The following STPG2 variants were observed in gnomAD, a reference collection of about 807,000 sequenced individuals.
STPG2 encodes the protein sperm tail PG-rich repeat containing 2.
STPG2 carries 56 observed loss-of-function variants against 54.2 expected under a neutral mutation model. That is an observed-to-expected ratio of 1.03 (90% CI 0.83 to 1.29). The LOEUF (loss-of-function observed/expected upper bound fraction) is 1.29. STPG2 is among the 50% of genes most tolerant of loss of function. STPG2 has a pLI of 0.00. For missense variants in STPG2, 596 were observed against 544.9 expected (o/e 1.09, Z -0.93); for synonymous variants, 200 against 181.8 (o/e 1.10, Z -0.81).
At chr4:97,896,778 TAAAGAA>T (rs1730970539) in intron 8 of STPG2, among the ~76,000 whole-genome samples, 1 of 151,774 alleles carries the variant, frequency 6.6e-6, no homozygotes, top group Non-Finnish European at 1.5e-5. Flanking sequence ...ATAGTCTTAT[TAAAGAA>T]AAACTACAAA....
intron 8 of STPG2, among the ~76,000 whole-genome samples, chr4:97,873,737 A>G (rs1730073716): frequency 6.6e-6 from 1 of 151,398 alleles, no homozygotes; most frequent in South Asian, 2.1e-4. Context: ...AAATCATTCT[A>G]CTCCAGTGCC....
chr4:97,462,605 G>A (rs1402617207), intron 4 of STPG2, among the ~76,000 whole-genome samples: 1 of 151,754 alleles, frequency 6.6e-6, no homozygotes, highest in Non-Finnish European at 1.5e-5. Context: ...TTGTCAGTTT[G>A]GAGGTCTTGT....
At chr4:97,614,194 C>T (rs1000920944) in intron 10 of STPG2, among the ~76,000 whole-genome samples, 2 of 151,982 alleles carry the variant, frequency 1.3e-5, no homozygotes, top group Admixed American at 6.6e-5. Flanking sequence ...TAATACCAGC[C>T]ATTTAGGCCA....
At chr4:97,946,418 TTTTG>T (rs1733225120) in intron 7 of STPG2, among the ~76,000 whole-genome samples, 1 of 152,150 alleles carries the variant, frequency 6.6e-6, no homozygotes, top group South Asian at 2.1e-4. Context: ...ATTTGTTTAT[TTTTG>T]TTTTAGTTCC....
intron 4 of STPG2, among the ~76,000 whole-genome samples, chr4:97,445,119 T>A (rs1729188300): frequency 6.6e-6 from 1 of 152,110 alleles, no homozygotes; most frequent in Non-Finnish European, 1.5e-5. Context: ...ATAAAAATAA[T>A]AAGTTGAGGC....
intron 5 of STPG2, among the ~76,000 whole-genome samples, chr4:98,012,566 T>C (rs1735792980): frequency 2.0e-5 from 3 of 152,250 alleles, no homozygotes; most frequent in Admixed American, 2.0e-4. Context: ...ATGATATTGA[T>C]TCTTCCTATC....
chr4:97,788,831 G>A (rs980228823), intron 9 of STPG2, among the ~76,000 whole-genome samples: 1 of 151,902 alleles, frequency 6.6e-6, no homozygotes, highest in South Asian at 2.1e-4. Context: ...AATATTTATT[G>A]TTATACAGAA....
chr4:97,447,055 A>G (rs1457664990), intron 4 of STPG2, among the ~76,000 whole-genome samples: 1 of 152,218 alleles, frequency 6.6e-6, no homozygotes, highest in African/African-American at 2.4e-5. Context: ...GTTTTGACCA[A>G]AATGCTGATA....
chr4:97,454,701 A>G (rs1166436525), intron 4 of STPG2, among the ~76,000 whole-genome samples: 2 of 152,118 alleles, frequency 1.3e-5, no homozygotes, highest in African/African-American at 4.8e-5. Flanking sequence ...TAGAATAACT[A>G]AAAGAAAATA....
chr4:97,781,314 T>C (rs1726603588), intron 9 of STPG2, among the ~76,000 whole-genome samples: 1 of 152,120 alleles, frequency 6.6e-6, no homozygotes, highest in East Asian at 1.9e-4. Context: ...TCTACGCAAA[T>C]AAACTAGAAA....
chr4:97,537,846 C>A (rs551442543), intron 4 of STPG2, among the ~76,000 whole-genome samples: 3 of 152,276 alleles, frequency 2.0e-5, no homozygotes, highest in African/African-American at 4.8e-5. Flanking sequence ...TGAGATGAAA[C>A]CTCCAGAGGA....
intron 9 of STPG2, among the ~76,000 whole-genome samples, chr4:97,818,449 G>C (rs546685325): frequency 3.9e-4 from 58 of 150,496 alleles, no homozygotes; most frequent in African/African-American, 1.1e-3. Context: ...TGTGAATATG[G>C]TCTCTCTCTC....
intron 9 of STPG2, among the ~76,000 whole-genome samples, chr4:97,776,704 GAC>G (rs2149066951): frequency 6.6e-6 from 1 of 152,228 alleles, no homozygotes; most frequent in Admixed American, 6.5e-5. Context: ...CTATAGGAAA[GAC>G]AAATATTCTT....
At chr4:97,454,648 T>G (rs1729470371) in intron 4 of STPG2, among the ~76,000 whole-genome samples, 1 of 149,784 alleles carries the variant, frequency 6.7e-6, no homozygotes, top group South Asian at 2.1e-4. Flanking sequence ...TATGTGCCCA[T>G]GCAAAGTTAA....
intron 10 of STPG2, among the ~76,000 whole-genome samples, chr4:97,566,774 T>C (rs1732459926): frequency 6.7e-6 from 1 of 150,068 alleles, no homozygotes; most frequent in African/African-American, 2.5e-5. Context: ...CAGTAAACTA[T>C]CACAAGAACA....
chr4:97,636,975 C>T (rs1300214877), intron 10 of STPG2, among the ~76,000 whole-genome samples: 3 of 152,168 alleles, frequency 2.0e-5, no homozygotes, highest in Admixed American at 6.5e-5. Context: ...AGAGGGAATC[C>T]TCCCTAACTC....
chr4:97,593,794 C>T (rs1733208822), intron 10 of STPG2, among the ~76,000 whole-genome samples: 1 of 152,122 alleles, frequency 6.6e-6, no homozygotes, highest in Non-Finnish European at 1.5e-5. Context: ...CACCTCAGCC[C>T]CTCAAATGCA....
intron 5 of STPG2, among the ~76,000 whole-genome samples, chr4:98,049,862 C>T (rs1737260727): frequency 6.6e-6 from 1 of 152,094 alleles, no homozygotes; most frequent in African/African-American, 2.4e-5. Context: ...ATCTACAAAG[C>T]AGTCTTGCTG....
chr4:97,565,729 C>T (rs551708000), intron 10 of STPG2, among the ~76,000 whole-genome samples: 5 of 152,172 alleles, frequency 3.3e-5, no homozygotes, highest in African/African-American at 4.8e-5. Flanking sequence ...GTACCAGCAG[C>T]GGTGGCTGCA....
Sources: allele counts gnomAD v4.1 joint callset (sites outside exome capture counted in the v4.1 genomes callset), GRCh38; gene constraint gnomAD v4.1.1; transcripts MANE v1.5; gene names NCBI Gene and HGNC (gene_info 2026-07-23, HGNC 2026-07-21).